The following AK4 variants were observed in gnomAD, a reference collection of about 807,000 sequenced individuals.
AK4 encodes adenylate kinase 4, mitochondrial.
In AK4, 13 loss-of-function variants were observed where a neutral mutation model predicts 24.6. That is an observed-to-expected ratio of 0.53 (90% CI 0.34 to 0.84). The LOEUF (loss-of-function observed/expected upper bound fraction) is 0.84. AK4 is among the 40% of genes least tolerant of loss of function. The pLI is 0.01. For synonymous variants in AK4, 88 were observed against 107.0 expected (o/e 0.82, Z 1.10); for missense variants, 192 against 288.2 (o/e 0.67, Z 2.42).
intron 1 of AK4, among the ~76,000 whole-genome samples, chr1:65,158,029 G>A (rs199593509): frequency 6.6e-6 from 1 of 151,944 alleles, no homozygotes; most frequent in African/African-American, 2.4e-5. Flanking sequence ...TTTATGGCTT[G>A]GCCTTACCTT....
intron 2 of AK4, among the ~76,000 whole-genome samples, chr1:65,210,571 C>A (rs1651943033): frequency 6.6e-6 from 1 of 152,136 alleles, no homozygotes; most frequent in Non-Finnish European, 1.5e-5. Flanking sequence ...CTTGTCTTTT[C>A]TGTTACCGAG....
chr1:65,224,307 C>T (rs1181075230), intron 3 of AK4, among the ~76,000 whole-genome samples: 3 of 152,104 alleles, frequency 2.0e-5, no homozygotes, highest in Non-Finnish European at 2.9e-5. Flanking sequence ...GAACCGTATT[C>T]TCCTAGATTA....
At chr1:65,152,356 C>CTCTA (rs1649810049) in intron 1 of AK4, among the ~76,000 whole-genome samples, 4 of 33,900 alleles carry the variant, frequency 1.2e-4, no homozygotes, top group African/African-American at 5.2e-4. Context: ...CTCTCTCTCT[C>CTCTA]TCTCTATATA....
chr1:65,188,532 G>A (rs1651178958), intron 1 of AK4, among the ~76,000 whole-genome samples: 1 of 151,964 alleles, frequency 6.6e-6, no homozygotes, highest in African/African-American at 2.4e-5. Flanking sequence ...AGGTTGGAGT[G>A]CAGTGGCGTG....
At chr1:65,202,064 T>G (rs1047958163) in intron 2 of AK4, among the ~76,000 whole-genome samples, 2 of 152,174 alleles carry the variant, frequency 1.3e-5, no homozygotes, top group African/African-American at 4.8e-5. Flanking sequence ...TTTAAAAGTG[T>G]GAACAACATA....
chr1:65,199,729 A>T (rs1651604255), intron 2 of AK4, among the ~76,000 whole-genome samples: 2 of 152,200 alleles, frequency 1.3e-5, no homozygotes, highest in African/African-American at 4.8e-5. Context: ...TCTCTTATCC[A>T]GAATGCTCGG....
chr1:65,151,622 G>A (rs1649774336), intron 1 of AK4, among the ~76,000 whole-genome samples: 1 of 152,160 alleles, frequency 6.6e-6, no homozygotes, highest in Non-Finnish European at 1.5e-5. Flanking sequence ...ATCAGGCAAA[G>A]TACCTAATGT....
At chr1:65,210,793 T>G (rs1651951132) in intron 2 of AK4, among the ~76,000 whole-genome samples, 1 of 152,218 alleles carries the variant, frequency 6.6e-6, no homozygotes, top group Admixed American at 6.5e-5. Context: ...CCATGCAATT[T>G]ATCCTGAGCC....
intron 1 of AK4, among the ~76,000 whole-genome samples, chr1:65,183,282 G>T (rs10789173): frequency 0.31 from 46,580 of 151,440 alleles, 7,606 homozygotes; most frequent in East Asian, 0.52. Context: ...TCAGAGTCTT[G>T]CTCTGTCGCC....
At chr1:65,181,735 A>G (rs1195358380) in intron 1 of AK4, among the ~76,000 whole-genome samples, 1 of 152,156 alleles carries the variant, frequency 6.6e-6, no homozygotes, top group Non-Finnish European at 1.5e-5. Context: ...CCAGTAAATG[A>G]TAGGAAGCCA....
At chr1:65,193,232 G>A (rs1651364252) in intron 2 of AK4, among the ~76,000 whole-genome samples, 1 of 152,208 alleles carries the variant, frequency 6.6e-6, no homozygotes, top group South Asian at 2.1e-4. Context: ...TCTGTGAGAT[G>A]CCACCAAGGC....
intron 1 of AK4, among the ~76,000 whole-genome samples, chr1:65,155,881 G>A (rs1557436691): frequency 6.6e-6 from 1 of 152,152 alleles, no homozygotes; most frequent in Non-Finnish European, 1.5e-5. Context: ...TATTGGCCAG[G>A]CTGGTCTCGA....
intron 2 of AK4, among the ~76,000 whole-genome samples, chr1:65,192,216 A>T (rs748500256): frequency 6.6e-6 from 1 of 152,228 alleles, no homozygotes; most frequent in Non-Finnish European, 1.5e-5. Context: ...GTCCAGGAGC[A>T]TGGTGTCAGC....
chr1:65,171,167 C>T (rs1396286448), intron 1 of AK4, among the ~76,000 whole-genome samples: 4 of 128,584 alleles, frequency 3.1e-5, no homozygotes, highest in African/African-American at 6.1e-5. Flanking sequence ...CACTATATTT[C>T]CCAGGCTGGT....
At chr1:65,172,171 T>G (rs1414743505) in intron 1 of AK4, among the ~76,000 whole-genome samples, 1 of 148,392 alleles carries the variant, frequency 6.7e-6, no homozygotes, top group Non-Finnish European at 1.5e-5. Flanking sequence ...GCTTTACGTT[T>G]TTTAAAACGT....
chr1:65,223,048 A>G (rs1272555604), intron 3 of AK4, among the ~76,000 whole-genome samples: 3 of 151,778 alleles, frequency 2.0e-5, no homozygotes, highest in Non-Finnish European at 4.4e-5. Context: ...CCTGATTGTC[A>G]TGGGTAATTT....
intron 2 of AK4, among the ~76,000 whole-genome samples, chr1:65,213,477 A>G (rs772104413): frequency 3.9e-5 from 6 of 152,218 alleles, no homozygotes; most frequent in Non-Finnish European, 7.4e-5. Context: ...GGACTCCCCA[A>G]GCTCTTAGAA....
intron 1 of AK4, among the ~76,000 whole-genome samples, chr1:65,179,834 C>A (rs1056796456): frequency 5.9e-5 from 9 of 151,932 alleles, no homozygotes; most frequent in African/African-American, 1.9e-4. Context: ...GACCCTGTCT[C>A]CAAAACAAAA....
chr1:65,178,141 A>C (rs1292352386), intron 1 of AK4, among the ~76,000 whole-genome samples: 1 of 152,102 alleles, frequency 6.6e-6, no homozygotes, highest in Admixed American at 6.5e-5. Flanking sequence ...AAGGTATGAT[A>C]ATTCTTCATC....
Sources: allele counts gnomAD v4.1 joint callset (sites outside exome capture counted in the v4.1 genomes callset), GRCh38; gene constraint gnomAD v4.1.1; transcripts MANE v1.5; gene names NCBI Gene and HGNC (gene_info 2026-07-23, HGNC 2026-07-21).